Variants in ECM2 observed in about 807,000 individuals in gnomAD.
ECM2 encodes extracellular matrix protein 2, female organ and adipocyte specific.
In ECM2, 57 loss-of-function variants were observed where a neutral mutation model predicts 67.5. The ratio of observed to expected loss-of-function variants is 0.84; its 90% CI spans 0.68 to 1.05. ECM2 has a LOEUF of 1.05. Among genes scored for constraint, ECM2 ranks in the 50% least tolerant of loss-of-function variants. ECM2 has a pLI of 0.00. For synonymous variants in ECM2, 258 were observed against 294.5 expected (o/e 0.88, Z 1.27); for missense variants, 741 against 822.8 (o/e 0.90, Z 1.22).
chr9:92,525,428 T>G (rs1004026498), intron 1 of ECM2, among the ~76,000 whole-genome samples: 5 of 152,238 alleles, frequency 3.3e-5, no homozygotes, highest in Admixed American at 3.3e-4. Flanking sequence ...ACATAATGAC[T>G]TTTTTGTCAG....
chr9:92,495,946 T>C lies in ECM2; in HGVS notation c.*369A>G, dbSNP rs1309006140. The C allele has an allele frequency of 4.4e-5, 43 of 986,614 alleles. No homozygotes were observed. The highest frequency in any genetic ancestry group is 5.2e-5 in the Non-Finnish European group (43 of 830,776). The allele number at this position is 986,614 out of a possible 1,614,324, so 61.1% of individuals were successfully genotyped here. On this transcript the variant is annotated 3_prime_UTR_variant, in exon 10 of 10. Coordinates refer to ENST00000344604, the MANE Select transcript of ECM2 (RefSeq NM_001393.4). Reference sequence around the variant, plus strand: ...TGCTTCTTAATCTTGAACCAAAAGATACATAATTTTTAAAGGGACTTACAG... The same window carrying C: ...TGCTTCTTAATCTTGAACCAAAAGACACATAATTTTTAAAGGGACTTACAG...
In ECM2 at chr9:92,500,842, C is replaced by A; in HGVS notation, c.1816G>T (p.Ala606Ser). ...AATAATTCTCTCAGAGAATGATATG[C>A]CCCATAGAAGGAGACACGGTCCATG... is the stretch of plus-strand genomic sequence containing the variant. Reference protein sequence around the residue: ...DGMDRVSFYGAYHSLRELFLD... With the variant: ...DGMDRVSFYGSYHSLRELFLD... The change falls in exon 9 of 10, where the codon GCA becomes TCA. Residue 606 changes from alanine (A) to serine (S), a missense_variant. Coordinates refer to ENST00000344604, the MANE Select transcript of ECM2 (RefSeq NM_001393.4). The A allele has an allele frequency of 6.2e-7, 1 of 1,614,108 alleles. No individual in the cohort carries two copies. Among genetic ancestry groups the A allele is most frequent in the Non-Finnish European group, 8.5e-7 (1 of 1,180,010 alleles).
chr9:92,557,098 G>A, the ECM2 span, among the ~76,000 whole-genome samples: 274 of 152,232 alleles, frequency 1.8e-3, no homozygotes, highest in Admixed American at 3.7e-3. Flanking sequence ...GCTGAGTTTC[G>A]CTGAATACAA....
chr9:92,496,082 C>A lies in ECM2; in HGVS notation c.*233G>T. 1 of 1,142,338 alleles carries A rather than the reference C, an allele frequency of 8.8e-7. No individual in the cohort carries two copies. The highest frequency in any genetic ancestry group is 2.9e-5 in the South Asian group (1 of 34,310). The allele number at this position is 1,142,338 out of a possible 1,614,324, so 70.8% of individuals were successfully genotyped here. A position where few individuals can be genotyped will look rare whatever the true frequency, so the allele number is the denominator to read the frequency against. The stretch of plus-strand genomic sequence containing the variant: ...ATAATATCCTATTCTAGTGAGATGG[C>A]CTCTTTCTAGAGGTAGGAAACTGAG... On this transcript the variant is annotated 3_prime_UTR_variant, in exon 10 of 10. Coordinates refer to ENST00000344604, the MANE Select transcript of ECM2 (RefSeq NM_001393.4).
Position 92,500,804 on chromosome 9 carries a change from A to G in ECM2, c.1854T>C (p.Asn618=). 1 of 1,614,200 alleles carries G rather than the reference A, an allele frequency of 6.2e-7. No individual in the cohort carries two copies. Among genetic ancestry groups the G allele is most frequent in the East Asian group, 2.2e-5 (1 of 44,874 alleles). ...TCCCAGGTGGTATAGATTTTAAGTC[A>G]TTGTGATCCAGAAATAATTCTCTCA... ...HSLRELFLDH[N]DLKSIPPGIQ... The change falls in exon 9 of 10, where the codon AAT becomes AAC. Residue 618 remains asparagine, a synonymous_variant. Coordinates refer to ENST00000344604, the MANE Select transcript of ECM2 (RefSeq NM_001393.4).
the ECM2 span, among the ~76,000 whole-genome samples, chr9:92,556,043 C>T: frequency 1.3e-5 from 2 of 152,132 alleles, no homozygotes; most frequent in African/African-American, 2.4e-5. Context: ...GAACTTTCCT[C>T]TTAGCACCAC....
chr9:92,514,860 CTCA>C lies in ECM2; in HGVS notation c.822_824del (p.Asp274del). ...CCTCACCCTCCTCACCCTCCTCCTC[CTCA>C]TCCTCCTCCTCCTCCCTTCCTTGGC... On this transcript the variant is annotated inframe_deletion, in exon 4 of 10. Coordinates refer to ENST00000344604, the MANE Select transcript of ECM2 (RefSeq NM_001393.4). The C allele has an allele frequency of 6.2e-7, 1 of 1,612,520 alleles. No homozygotes were observed. The highest frequency in any genetic ancestry group is 8.5e-7 in the Non-Finnish European group (1 of 1,179,050).
Position 92,509,990 on chromosome 9 carries a change from C to G in ECM2, c.1215G>C (p.Leu405Phe), listed in dbSNP as rs754430190. Residue 405 changes from leucine (L) to phenylalanine (F), a missense_variant, in exon 6 of 10, where the codon TTG (leucine) becomes TTC (phenylalanine). Physicochemically the swap from Leu to Phe is conservative, Grantham distance 22 (BLOSUM62 0). Coordinates refer to ENST00000344604, the MANE Select transcript of ECM2 (RefSeq NM_001393.4). ...ATGGCAATTGTGAAGGAATCTGTATCAAATTATTTCCATCCATATTCAAAC... is the reference window on the plus strand; with the variant it reads ...ATGGCAATTGTGAAGGAATCTGTATGAAATTATTTCCATCCATATTCAAAC... ...LMRLNMDGNN[L>F]IQIPSQLPST... 1.4e-5 allele frequency: 23 copies of G among 1,608,358 alleles called. No individual in the cohort carries two copies. The highest frequency in any genetic ancestry group is 2.0e-5 in the Non-Finnish European group (23 of 1,178,698).
At chr9:92,548,941 A>G in the ECM2 span, among the ~76,000 whole-genome samples, 15 of 152,222 alleles carry the variant, frequency 9.9e-5, no homozygotes, top group African/African-American at 3.6e-4. Flanking sequence ...AAGCCAAGAC[A>G]TTCCTGAAGA....
At chr9:92,536,931 G>A (rs979874840), upstream of ECM2, among the ~76,000 whole-genome samples, 2 of 147,446 alleles carry the variant, frequency 1.4e-5, no homozygotes, top group African/African-American at 2.5e-5. Flanking sequence ...GTGCAATGTC[G>A]TGATCTCAGC....
At chr9:92,500,671 A>G in intron 9 of ECM2, 56 bp downstream of exon 9, 6 of 1,504,394 alleles carry the variant, frequency 4.0e-6, no homozygotes, top group Non-Finnish European at 5.4e-6. Flanking sequence ...TGGTTGTTTT[A>G]TCATATATTT....
chr9:92,532,409 A>G (rs1848853990), intron 1 of ECM2, among the ~76,000 whole-genome samples: 1 of 152,128 alleles, frequency 6.6e-6, no homozygotes, highest in South Asian at 2.1e-4. Context: ...CTCAGCCCTT[A>G]ACTATACAAA....
chr9:92,525,893 C>CAAAAAAA (rs71362395), intron 1 of ECM2, among the ~76,000 whole-genome samples: 3 of 43,904 alleles, frequency 6.8e-5, no homozygotes, highest in Non-Finnish European at 9.6e-5. Flanking sequence ...ACTCTATCTC[C>CAAAAAAA]AAAAAAAAAA....
intron 9 of ECM2, among the ~76,000 whole-genome samples, chr9:92,500,335 A>G (rs537484336): frequency 9.9e-5 from 15 of 152,196 alleles, no homozygotes; most frequent in Admixed American, 3.3e-4. Flanking sequence ...GACACGCACC[A>G]CCACGCCCTG....
rs570789332 is a variant in ECM2 at position 92,500,859 on chromosome 9, C to A, written c.1799G>T (p.Arg600Leu). 6.2e-7 allele frequency: 1 copy of A among 1,614,128 alleles called. No individual in the cohort carries two copies. Among genetic ancestry groups the A allele is most frequent in the Non-Finnish European group, 8.5e-7 (1 of 1,180,022 alleles). ...ATGATATGCCCCATAGAAGGAGACA[C>A]GGTCCATGCCATCATCAGCAAGTTT... Reference protein sequence around the residue: ...FNKLADDGMDRVSFYGAYHSL... With the variant: ...FNKLADDGMDLVSFYGAYHSL... The change falls in exon 9 of 10, where the codon CGT becomes CTT. Residue 600 changes from arginine (R) to leucine (L), a missense_variant. By Grantham distance (102) the Arg-to-Leu change is moderately radical (BLOSUM62 -2). Coordinates refer to ENST00000344604, the MANE Select transcript of ECM2 (RefSeq NM_001393.4).
At chr9:92,517,306 A>G (rs2296668) in intron 3 of ECM2, 170,236 of 270,616 alleles carry the variant, frequency 0.63, 56,280 homozygotes, top group African/African-American at 0.89. Context: ...TGGCTTCAAG[A>G]TGATAAAGGC....
intron 6 of ECM2, among the ~76,000 whole-genome samples, chr9:92,505,912 C>T (rs187984407): frequency 4.2e-4 from 64 of 151,820 alleles, no homozygotes; most frequent in Admixed American, 3.7e-3. Flanking sequence ...GTGAGGCAGA[C>T]CTGAAAAAAA....
chr9:92,504,248 A>G (rs1466051532), intron 7 of ECM2, among the ~76,000 whole-genome samples: 1 of 152,216 alleles, frequency 6.6e-6, no homozygotes, highest in East Asian at 1.9e-4. Context: ...GGAGATTCTG[A>G]TGGAAAGCCA....
the ECM2 span, among the ~76,000 whole-genome samples, chr9:92,550,564 CTT>C: frequency 2.0e-5 from 3 of 150,402 alleles, no homozygotes; most frequent in East Asian, 3.9e-4. Flanking sequence ...TTTGTTTAGA[CTT>C]TGTTTGATTT....
Sources: allele counts gnomAD v4.1 joint callset (sites outside exome capture counted in the v4.1 genomes callset), GRCh38; gene constraint gnomAD v4.1.1; transcripts MANE v1.5; gene names NCBI Gene and HGNC (gene_info 2026-07-23, HGNC 2026-07-21).